Variants in ZNF860 observed in about 807,000 individuals in gnomAD.
ZNF860 encodes zinc finger protein 860.
For missense variants in ZNF860, 641 were observed against 759.2 expected, an observed-to-expected ratio of 0.84 and a Z score of 1.83; for synonymous variants, 206 against 248.9, an observed-to-expected ratio of 0.83 and a Z score of 1.62.
chr3:31,989,791 G>T lies in ZNF860; in HGVS notation c.712G>T (p.Ala238Ser). ...KSFQCNESGK[A>S]FNCSSLLRKH... ...TTTCCAATGTAATGAGAGTGGCAAA[G>T]CCTTTAATTGTAGCTCACTCTTAAG... is the stretch of plus-strand genomic sequence containing the variant. Residue 238 changes from alanine (A) to serine (S), a missense_variant, in exon 2 of 2, where the codon GCC becomes TCC. By Grantham distance (99) the Ala-to-Ser change is moderately conservative. Coordinates refer to ENST00000360311, the MANE Select transcript of ZNF860 (RefSeq NM_001137674.3). 1 of 1,614,166 alleles carries T rather than the reference G, an allele frequency of 6.2e-7. No homozygotes were observed.
In ZNF860 at chr3:31,990,586, A is replaced by G; in HGVS notation, c.1507A>G (p.Ile503Val). 6.2e-7 allele frequency: 1 copy of G among 1,613,882 alleles called. No homozygotes were observed. The highest frequency in any genetic ancestry group is 8.5e-7 in the Non-Finnish European group (1 of 1,179,952). ...TTCAGCCCTTGTAATTCATAAGGCAATTCATACTGGAGAGAAACCTTACAA... is the reference window on the plus strand; with the variant it reads ...TTCAGCCCTTGTAATTCATAAGGCAGTTCATACTGGAGAGAAACCTTACAA... ...HNSALVIHKA[I>V]HTGEKPYKCN... The change falls in exon 2 of 2, where the codon ATT becomes GTT. Residue 503 changes from isoleucine (I) to valine (V), a missense_variant. By Grantham distance (29) the Ile-to-Val change is conservative. Coordinates refer to ENST00000360311, the MANE Select transcript of ZNF860 (RefSeq NM_001137674.3).
At chr3:31,998,157 A>G in the ZNF860 span, among the ~76,000 whole-genome samples, 6 of 152,150 alleles carry the variant, frequency 3.9e-5, no homozygotes, top group Non-Finnish European at 8.8e-5. Context: ...TCAGGCTCTA[A>G]TAAGGCATCT....
At chr3:32,006,275 T>G in the ZNF860 span, among the ~76,000 whole-genome samples, 1 of 152,218 alleles carries the variant, frequency 6.6e-6, no homozygotes, top group Admixed American at 6.5e-5. Context: ...TCCAATGAAG[T>G]TGAGCAATCT....
intron 1 of ZNF860, among the ~76,000 whole-genome samples, chr3:31,984,336 G>A (rs1185933892): frequency 6.6e-6 from 1 of 151,508 alleles, no homozygotes; most frequent in Non-Finnish European, 1.5e-5. Flanking sequence ...CACCGTACCG[G>A]GCCCACCTAA....
At chr3:31,998,425 A>C in the ZNF860 span, among the ~76,000 whole-genome samples, 1 of 152,178 alleles carries the variant, frequency 6.6e-6, no homozygotes. Context: ...TATTGGTCAG[A>C]ATTTGAGCAG....
At chr3:31,985,695 A>T (rs775717640) in intron 1 of ZNF860, among the ~76,000 whole-genome samples, 3 of 152,220 alleles carry the variant, frequency 2.0e-5, no homozygotes, top group Non-Finnish European at 2.9e-5. Flanking sequence ...TCACAACCAG[A>T]TCACTCTCTG....
the ZNF860 span, among the ~76,000 whole-genome samples, chr3:31,996,924 C>A: frequency 6.6e-6 from 1 of 152,150 alleles, no homozygotes; most frequent in African/African-American, 2.4e-5. Context: ...CAAGCTTCTA[C>A]CCTTCTTCCC....
At chr3:31,984,343 C>T (rs1480986936) in intron 1 of ZNF860, among the ~76,000 whole-genome samples, 2 of 150,380 alleles carry the variant, frequency 1.3e-5, no homozygotes, top group Non-Finnish European at 3.0e-5. Context: ...CCGGGCCCAC[C>T]TAAGGTTTTT....
In ZNF860 at chr3:31,989,433, A is replaced by T; in HGVS notation, c.354A>T (p.Glu118Asp). 6.2e-7 allele frequency: 1 copy of T among 1,614,248 alleles called. No homozygotes were observed. The highest frequency in any genetic ancestry group is 8.5e-7 in the Non-Finnish European group (1 of 1,180,044). Reference sequence around the variant, plus strand: ...ATGACTTTGAGTTTCAATGGCAAGAAGACAAAAGAAATAGCCATGAAGCAA... The same window carrying T: ...ATGACTTTGAGTTTCAATGGCAAGATGACAAAAGAAATAGCCATGAAGCAA... ...DIHDFEFQWQEDKRNSHEATM... is the reference protein window; with the variant it reads ...DIHDFEFQWQDDKRNSHEATM... The change falls in exon 2 of 2, where the codon GAA becomes GAT. Residue 118 changes from glutamate to aspartate, a missense_variant. Physicochemically the swap from Glu to Asp is conservative, Grantham distance 45. Coordinates refer to ENST00000360311, the MANE Select transcript of ZNF860 (RefSeq NM_001137674.3).
In ZNF860 at chr3:31,991,129, T is replaced by C; in HGVS notation, c.*151T>C. 3 of 796,882 alleles carry C rather than the reference T, an allele frequency of 3.8e-6. No individual in the cohort carries two copies. The South Asian group carries it at 5.6e-5, about 15-fold the overall frequency. The allele number at this position is 796,882 out of a possible 1,614,324, so 49.4% of individuals were successfully genotyped here. ...TTGACTTGACATTGAGTTCAAGCAT[T>C]AATTGACATTAAAGTGTTTACGTTA... On this transcript the variant is annotated 3_prime_UTR_variant, in exon 2 of 2. Transcript: ENST00000360311.
intron 1 of ZNF860, among the ~76,000 whole-genome samples, chr3:31,988,098 C>T (rs1160250200): frequency 6.6e-6 from 1 of 152,164 alleles, no homozygotes; most frequent in Non-Finnish European, 1.5e-5. Flanking sequence ...TTCAAAATTG[C>T]CTTGGACCAC....
Position 31,990,954 on chromosome 3 carries a change from T to A in ZNF860, c.1875T>A (p.His625Gln). ...IHTGQKSYKC[H>Q]KRGKVFS ...CCGGACAGAAATCTTACAAATGTCA[T>A]AAGCGTGGCAAGGTCTTCAGTTAGA... The change falls in exon 2 of 2, where the codon CAT (histidine) becomes CAA (glutamine). Residue 625 changes from histidine (H) to glutamine (Q), a missense_variant. Physicochemically the swap from His to Gln is conservative, Grantham distance 24 (BLOSUM62 0). Coordinates refer to ENST00000360311, the MANE Select transcript of ZNF860 (RefSeq NM_001137674.3). 6.3e-7 allele frequency: 1 copy of A among 1,575,208 alleles called. No individual in the cohort carries two copies. Among genetic ancestry groups the A allele is most frequent in the Non-Finnish European group, 8.6e-7 (1 of 1,159,318 alleles).
chr3:31,983,295 C>T (rs994131251), intron 1 of ZNF860, among the ~76,000 whole-genome samples: 2 of 152,152 alleles, frequency 1.3e-5, no homozygotes, highest in Non-Finnish European at 2.9e-5. Flanking sequence ...AAACAACATG[C>T]CTTTTATTGG....
At chr3:31,985,159 A>T (rs1259591596) in intron 1 of ZNF860, among the ~76,000 whole-genome samples, 1 of 152,196 alleles carries the variant, frequency 6.6e-6, no homozygotes, top group Non-Finnish European at 1.5e-5. Flanking sequence ...AAATCGCTTG[A>T]ACCCAGAAGG....
the ZNF860 span, among the ~76,000 whole-genome samples, chr3:32,001,582 A>G: frequency 6.6e-6 from 1 of 152,246 alleles, no homozygotes; most frequent in Admixed American, 6.5e-5. Flanking sequence ...AAGAATTTAA[A>G]TTACAGAGAT....
chr3:31,998,527 A>G, the ZNF860 span, among the ~76,000 whole-genome samples: 1 of 152,182 alleles, frequency 6.6e-6, no homozygotes, highest in Non-Finnish European at 1.5e-5. Context: ...TGATGGAGAT[A>G]TTTCATTCTG....
Position 31,990,514 on chromosome 3 carries a change from G to C in ZNF860, c.1435G>C (p.Glu479Gln), listed in dbSNP as rs1016938694. ...AATTCATAAGGCAATTCATACTGGA[G>C]AGAAACCTTACAAGTGTAATGAGTG... ...LVIHKAIHTG[E>Q]KPYKCNECGK... Residue 479 changes from glutamate (E) to glutamine (Q), a missense_variant, in exon 2 of 2, where the codon GAG becomes CAG. Coordinates refer to ENST00000360311, the MANE Select transcript of ZNF860 (RefSeq NM_001137674.3). 5.6e-6 allele frequency: 9 copies of C among 1,610,818 alleles called. No individual in the cohort carries two copies. The highest frequency in any genetic ancestry group is 7.6e-6 in the Non-Finnish European group (9 of 1,179,594).
intron 1 of ZNF860, among the ~76,000 whole-genome samples, chr3:31,987,732 A>G (rs1405236459): frequency 6.6e-6 from 1 of 152,222 alleles, no homozygotes; most frequent in Admixed American, 6.5e-5. Flanking sequence ...TAGTCTGGGA[A>G]CTGGTATAAT....
In ZNF860 at chr3:31,990,568, C is replaced by G; in HGVS notation, c.1489C>G (p.Leu497Val). ...CAAGACCTTCCGTCACAATTCAGCC[C>G]TTGTAATTCATAAGGCAATTCATAC... ...CGKTFRHNSALVIHKAIHTGE... is the reference protein window; with the variant it reads ...CGKTFRHNSAVVIHKAIHTGE... Residue 497 changes from leucine (L) to valine (V), a missense_variant, in exon 2 of 2, where the codon CTT becomes GTT. By Grantham distance (32) the Leu-to-Val change is conservative. Coordinates refer to ENST00000360311, the MANE Select transcript of ZNF860 (RefSeq NM_001137674.3). 6.2e-7 allele frequency: 1 copy of G among 1,613,676 alleles called. No homozygotes were observed. The highest frequency in any genetic ancestry group is 8.5e-7 in the Non-Finnish European group (1 of 1,179,930).
Sources: allele counts gnomAD v4.1 joint callset (sites outside exome capture counted in the v4.1 genomes callset), GRCh38; gene constraint gnomAD v4.1.1; transcripts MANE v1.5; gene names NCBI Gene and HGNC (gene_info 2026-07-23, HGNC 2026-07-21).